DNAAF1: variants seen among roughly 807,000 people sequenced by gnomAD.
DNAAF1 encodes dynein axonemal assembly factor 1.
In DNAAF1, 65 loss-of-function variants were observed where a neutral mutation model predicts 71.1. The ratio of observed to expected loss-of-function variants is 0.91; its 90% CI spans 0.75 to 1.12. The LOEUF (loss-of-function observed/expected upper bound fraction) is 1.12. Ranked by LOEUF, DNAAF1 falls within the 50% of genes most tolerant of loss-of-function variation. DNAAF1 has a pLI of 0.00. For missense variants in DNAAF1, 1,178 were observed against 899.8 expected (o/e 1.31, Z -3.96); for synonymous variants, 414 against 354.6 (o/e 1.17, Z -1.88).
chr16:84,168,813 A>C (rs77753659), intron 7 of DNAAF1, among the ~76,000 whole-genome samples: 2,795 of 108,666 alleles, frequency 0.026, 48 homozygotes, highest in African/African-American at 0.056. Flanking sequence ...ATAATTTGCT[A>C]CACATTTGCC....
chr16:84,145,831 C>A (rs949982897), intron 1 of DNAAF1, among the ~76,000 whole-genome samples: 3 of 152,148 alleles, frequency 2.0e-5, no homozygotes, highest in African/African-American at 7.2e-5. Flanking sequence ...GGTGGCTCAA[C>A]GCCTGTAATT....
chr16:84,158,942 G>T (rs919165437), intron 5 of DNAAF1: 1 of 704,450 alleles, frequency 1.4e-6, no homozygotes. Context: ...TGTTGGCCAG[G>T]CTGGTCTCGA....
intron 8 of DNAAF1, among the ~76,000 whole-genome samples, chr16:84,170,800 C>G (rs1054720279): frequency 2.6e-5 from 4 of 151,868 alleles, no homozygotes; most frequent in African/African-American, 9.7e-5. Flanking sequence ...CCACTGCACT[C>G]CAGCCTGGGT....
intron 9 of DNAAF1, 76 bp downstream of exon 9, chr16:84,172,451 G>A (rs139184812): frequency 1.9e-6 from 3 of 1,568,314 alleles, no homozygotes; most frequent in Admixed American, 1.9e-5. Context: ...TGCAGACTTT[G>A]GAGACCCTCG....
rs757200767 is a variant in DNAAF1 at position 84,150,237 on chromosome 16, T to C, written c.261-14T>C. The C allele has an allele frequency of 2.9e-5, 47 of 1,594,452 alleles. No homozygotes were observed. The highest frequency in any genetic ancestry group is 3.7e-5 in the Non-Finnish European group (43 of 1,162,272). On this transcript the variant is annotated splice_polypyrimidine_tract_variant and intron_variant, in intron 2 of 11. Transcript: ENST00000378553. ...ATTTGCAATAAGCTTATTCATATTT[T>C]TCCATTTTAACAGAATGACTAAAAG...
Position 84,156,804 on chromosome 16 carries a change from TTTTTCTTTTC to T in DNAAF1, c.741+1069_741+1078del, listed in dbSNP as rs138914975. 2.3e-4 allele frequency among the ~76,000 whole-genome samples: 35 copies of T among 149,996 alleles called. No homozygotes were observed. The South Asian group carries it at 6.8e-3, about 29-fold the overall frequency. ...CAATGTTTGACCCTTTTATTTATCATTTTTCTTTTCTTTTCTTTTCTTTCCTTTCCTTTTC... is the reference window on the plus strand; with the variant it reads ...CAATGTTTGACCCTTTTATTTATCATTTTTCTTTTCTTTCCTTTCCTTTTC... On this transcript the variant is annotated intron_variant, in intron 5 of 11. Transcript: ENST00000378553.
At chr16:84,176,586 T>A in intron 11 of DNAAF1, 2 of 517,664 alleles carry the variant, frequency 3.9e-6, no homozygotes, top group East Asian at 7.1e-5. Flanking sequence ...GTCATGCAGA[T>A]CTCCTGGGGC....
intron 5 of DNAAF1, chr16:84,159,120 C>G (rs115701659): frequency 2.0e-6 from 2 of 992,432 alleles, no homozygotes; most frequent in Non-Finnish European, 2.4e-6. Flanking sequence ...GTCGGATTGC[C>G]GAGCCCCTTC....
intron 3 of DNAAF1, among the ~76,000 whole-genome samples, chr16:84,153,005 G>A (rs1291881888): frequency 6.6e-6 from 1 of 151,706 alleles, no homozygotes; most frequent in African/African-American, 2.4e-5. Flanking sequence ...TACAAGGTTT[G>A]GACCTTATTT....
intron 9 of DNAAF1, chr16:84,173,259 C>G (rs188677900): frequency 1.2e-6 from 1 of 859,920 alleles, no homozygotes; most frequent in East Asian, 1.3e-4. Context: ...GTCAGGAGAT[C>G]GAGACCATCC....
intron 3 of DNAAF1, 71 bp downstream of exon 3, chr16:84,150,413 T>G: frequency 8.4e-7 from 1 of 1,191,344 alleles, no homozygotes. Context: ...AAAAATTACT[T>G]GCAGGGATCA....
At chr16:84,160,794 G>C (rs1426997357) in intron 6 of DNAAF1, among the ~76,000 whole-genome samples, 1 of 151,302 alleles carries the variant, frequency 6.6e-6, no homozygotes, top group African/African-American at 2.4e-5. Context: ...AATTAGCCGG[G>C]CGTGGTGGTG....
At chr16:84,157,510 CAAAAAAA>C (rs59707812) in intron 5 of DNAAF1, among the ~76,000 whole-genome samples, 1 of 82,350 alleles carries the variant, frequency 1.2e-5, no homozygotes, top group Admixed American at 1.4e-4. Flanking sequence ...GACACTGTGT[CAAAAAAA>C]AAAAAAAAAA....
chr16:84,165,649 G>A (rs1321650792), intron 6 of DNAAF1, 134 bp from the exon 7 acceptor site: 10 of 872,716 alleles, frequency 1.1e-5, no homozygotes, highest in Non-Finnish European at 1.9e-5. Context: ...AAATTTACAT[G>A]TGGAACTTTT....
chr16:84,176,426 AC>A, intron 11 of DNAAF1, 127 bp downstream of exon 11: 2 of 1,386,550 alleles, frequency 1.4e-6, no homozygotes, highest in Non-Finnish European at 1.0e-6. Flanking sequence ...CCCAGGACAG[AC>A]CACACAGATC....
In DNAAF1 at chr16:84,177,801, C is replaced by A. The variant is rs374905502; in HGVS notation, c.2138C>A (p.Thr713Lys). The change falls in exon 12 of 12, where the codon ACG becomes AAG. Residue 713 changes from threonine (T) to lysine (K), a missense_variant. Transcript: ENST00000378553. ...GCCCAGCCCAGCCAAGCTCTGCCCA[C>A]GTGGGACCTCACTGCATTCCCAGCA... ...GVAQPSQALP[T>K]WDLTAFPAPK... 7 of 1,613,974 alleles carry A rather than the reference C, an allele frequency of 4.3e-6. No individual in the cohort carries two copies. In the African/African-American group the frequency reaches 8.0e-5, roughly 18 times the overall value.
chr16:84,171,781 G>A (rs2088362219), intron 8 of DNAAF1, among the ~76,000 whole-genome samples: 1 of 152,196 alleles, frequency 6.6e-6, no homozygotes. Flanking sequence ...TACAGAAAAG[G>A]GCAGCCGTTC....
intron 1 of DNAAF1, among the ~76,000 whole-genome samples, chr16:84,146,475 G>A (rs2086917115): frequency 6.6e-6 from 1 of 152,156 alleles, no homozygotes; most frequent in African/African-American, 2.4e-5. Context: ...CCAGCAATTT[G>A]GGAGGCAGAG....
At chr16:84,164,919 T>G (rs868436974) in intron 6 of DNAAF1, among the ~76,000 whole-genome samples, 1 of 152,184 alleles carries the variant, frequency 6.6e-6, no homozygotes, top group Non-Finnish European at 1.5e-5. Context: ...CACATCCTCA[T>G]TAGCGCAGCG....
Sources: allele counts gnomAD v4.1 joint callset (sites outside exome capture counted in the v4.1 genomes callset), GRCh38; gene constraint gnomAD v4.1.1; transcripts MANE v1.5; gene names NCBI Gene and HGNC (gene_info 2026-07-23, HGNC 2026-07-21).